The following PRKAG2 variants were observed in gnomAD, a reference collection of about 807,000 sequenced individuals.
PRKAG2 encodes the protein 5'-AMP-activated protein kinase subunit gamma-2.
PRKAG2 carries 26 observed loss-of-function variants against 69.6 expected under a neutral mutation model. The ratio of observed to expected loss-of-function variants is 0.37; its 90% confidence interval spans 0.27 to 0.52. The LOEUF (loss-of-function observed/expected upper bound fraction) is 0.52, where lower values mean the gene tolerates loss of function less well. Ranked by LOEUF, PRKAG2 falls within the 20% of genes least tolerant of loss-of-function variation. The probability of loss-of-function intolerance (pLI) is 0.90; values close to 1 mark genes in which losing one functional copy is unlikely to be tolerated. For synonymous variants in PRKAG2, 293 were observed against 285.0 expected, an observed-to-expected ratio of 1.03 and a Z score of -0.28; for missense variants, 557 against 740.0, an observed-to-expected ratio of 0.75 and a Z score of 2.87.
chr7:151,708,685 C>T (rs1305028788), intron 3 of PRKAG2, among the ~76,000 whole-genome samples: 5 of 152,122 alleles, frequency 3.3e-5, no homozygotes, highest in Admixed American at 6.5e-5. Context: ...TGGGCAGTGA[C>T]CAGAGGGGAT....
chr7:151,640,193 C>T (rs974397269), intron 4 of PRKAG2, among the ~76,000 whole-genome samples: 1 of 152,048 alleles, frequency 6.6e-6, no homozygotes, highest in Non-Finnish European at 1.5e-5. Flanking sequence ...ACCTGTAATT[C>T]CAGCTACTTG....
chr7:151,826,911 C>T (rs1011978956), intron 1 of PRKAG2, among the ~76,000 whole-genome samples: 12 of 152,132 alleles, frequency 7.9e-5, no homozygotes, highest in Non-Finnish European at 1.2e-4. Context: ...ACATACATCA[C>T]GGCAGAGACT....
intron 15 of PRKAG2, chr7:151,559,295 C>G: frequency 2.0e-6 from 2 of 982,372 alleles, no homozygotes; most frequent in Non-Finnish European, 2.4e-6. Context: ...TTCTTCTTTT[C>G]AAAGATATTT....
Position 151,781,372 on chromosome 7 carries a change from C to T in PRKAG2, c.246G>A (p.Gln82=). The change falls in exon 3 of 16, where the codon CAG becomes CAA. Residue 82 remains glutamine, a synonymous_variant. Coordinates refer to ENST00000287878, the MANE Select transcript of PRKAG2 (RefSeq NM_016203.4). The surrounding 1 kb of genome is among the most constrained non-coding windows in gnomAD (Gnocchi z 6.1). ...PSKGFFSRGP[Q]PRPSSPMSAP... is the part of the protein sequence containing the mutation. ...CAGACATGGGGCTGGAGGGCCGGGG[C>T]TGGGGGCCTCTGGAGAAGAACCCTT... is the stretch of plus-strand genomic sequence containing the variant. The T allele has an allele frequency of 6.2e-7, 1 of 1,612,724 alleles. No individual in the cohort carries two copies. Among genetic ancestry groups the T allele is most frequent in the Non-Finnish European group, 8.5e-7 (1 of 1,179,558 alleles).
chr7:151,799,632 G>A (rs2077729637), intron 1 of PRKAG2, among the ~76,000 whole-genome samples: 1 of 152,234 alleles, frequency 6.6e-6, no homozygotes, highest in South Asian at 2.1e-4. Flanking sequence ...GAACTTCCCA[G>A]GAACCATGGA....
In PRKAG2 at chr7:151,816,783, G is replaced by A. The variant is rs114394151; in HGVS notation, c.115-30242C>T. ...GCTGGTTCTGGAACTAGCCTTGCTG[G>A]GTGAGCTGGGCCTGTTTTATTTTCT... On this transcript the variant is annotated intron_variant, in intron 1 of 15. Coordinates refer to ENST00000287878, the MANE Select transcript of PRKAG2 (RefSeq NM_016203.4). 7.2e-3 allele frequency among the ~76,000 whole-genome samples: 1,090 copies of A among 152,318 alleles called. 17 individuals carry two copies. The highest frequency in any genetic ancestry group is 0.025 in the African/African-American group (1,037 of 41,552).
intron 3 of PRKAG2, among the ~76,000 whole-genome samples, chr7:151,779,548 C>T (rs1198379958): frequency 2.0e-5 from 3 of 152,194 alleles, no homozygotes; most frequent in Non-Finnish European, 4.4e-5. Context: ...CTTTGGGCAC[C>T]CTTCCGATCA....
chr7:151,735,824 G>C, intron 3 of PRKAG2: 3 of 1,514,684 alleles, frequency 2.0e-6, no homozygotes, highest in Non-Finnish European at 2.7e-6. Context: ...TACTGCTTAG[G>C]AGGGTGTGCA....
chr7:151,610,149 A>C (rs568141322), intron 5 of PRKAG2, among the ~76,000 whole-genome samples: 1 of 152,318 alleles, frequency 6.6e-6, no homozygotes, highest in East Asian at 1.9e-4. Flanking sequence ...GCGGAACACG[A>C]GGTCAGGAGA....
At chr7:151,651,604 C>T (rs750551066) in intron 4 of PRKAG2, among the ~76,000 whole-genome samples, 1 of 152,012 alleles carries the variant, frequency 6.6e-6, no homozygotes, top group Non-Finnish European at 1.5e-5. Flanking sequence ...GAGACTCCAC[C>T]TAAAAACAAA....
chr7:151,643,964 A>G (rs1827163890), intron 4 of PRKAG2, among the ~76,000 whole-genome samples: 1 of 152,258 alleles, frequency 6.6e-6, no homozygotes. Flanking sequence ...TATTATTCCA[A>G]GTGAAGTAAT....
intron 3 of PRKAG2, among the ~76,000 whole-genome samples, chr7:151,710,706 T>C (rs1795153746): frequency 6.6e-6 from 1 of 152,226 alleles, no homozygotes; most frequent in Non-Finnish European, 1.5e-5. Flanking sequence ...CATTTTTCTC[T>C]CTTCACTTGT....
intron 1 of PRKAG2, among the ~76,000 whole-genome samples, chr7:151,803,882 G>A (rs1325532110): frequency 6.9e-6 from 1 of 145,868 alleles, no homozygotes; most frequent in African/African-American, 2.6e-5. Flanking sequence ...AGGTTGCAGT[G>A]AGTTGAGATC....
At position 151,792,257 on chromosome 7, in the gene PRKAG2, T is replaced by G. The variant is rs545938779; in HGVS notation, c.115-5716A>C. On this transcript the variant is annotated intron_variant, in intron 1 of 15. Transcript: ENST00000287878. Reference sequence around the variant, plus strand: ...GGCAACTTACCATACTAACTTTCTCTTCAAGTTCTTCTTAACTAAAAGTAA... The same window carrying G: ...GGCAACTTACCATACTAACTTTCTCGTCAAGTTCTTCTTAACTAAAAGTAA... 3.9e-5 allele frequency among the ~76,000 whole-genome samples: 6 copies of G among 152,320 alleles called. No homozygotes were observed. The South Asian group carries it at 1.2e-3, about 32-fold the overall frequency.
chr7:151,832,487 A>C (rs1432627259), intron 1 of PRKAG2, among the ~76,000 whole-genome samples: 1 of 151,876 alleles, frequency 6.6e-6, no homozygotes, highest in Non-Finnish European at 1.5e-5. Context: ...GGTTAGGTCC[A>C]CGAGAAAGGG....
chr7:151,646,430 G>C (rs1051076520), intron 4 of PRKAG2, among the ~76,000 whole-genome samples: 2 of 152,030 alleles, frequency 1.3e-5, no homozygotes, highest in African/African-American at 4.8e-5. Flanking sequence ...TTTATTTTTT[G>C]ATGCTCTCAT....
At chr7:151,655,796 AT>A (rs1162381030) in intron 4 of PRKAG2, among the ~76,000 whole-genome samples, 1 of 152,224 alleles carries the variant, frequency 6.6e-6, no homozygotes, top group Non-Finnish European at 1.5e-5. Flanking sequence ...GCGGTAAGGA[AT>A]ATGTGAGTTA....
At chr7:151,748,543 C>A (rs1174970797) in intron 3 of PRKAG2, among the ~76,000 whole-genome samples, 1 of 152,000 alleles carries the variant, frequency 6.6e-6, no homozygotes, top group Non-Finnish European at 1.5e-5. Flanking sequence ...TTTTTAAAGG[C>A]TTCTTTTGGG....
chr7:151,645,303 C>T (rs1827374838), intron 4 of PRKAG2, among the ~76,000 whole-genome samples: 1 of 152,198 alleles, frequency 6.6e-6, no homozygotes, highest in African/African-American at 2.4e-5. Flanking sequence ...AGGCCCATGT[C>T]AATGAACTAA....
Sources: gnomAD v4.1 joint callset for allele counts (sites outside exome capture counted in the v4.1 genomes callset) on GRCh38, gnomAD v4.1.1 for gene constraint, Gnocchi (gnomAD v3.1) non-coding constraint, MANE v1.5 for transcripts, NCBI Gene and HGNC (gene_info 2026-07-23, HGNC 2026-07-21) for gene names.